ADGRB3: variants seen among roughly 807,000 people sequenced by gnomAD.
ADGRB3 encodes brain-specific angiogenesis inhibitor 3.
In ADGRB3, 37 loss-of-function variants were observed where a neutral mutation model predicts 193.4. That is an observed-to-expected ratio of 0.19 (90% CI 0.15 to 0.25). The LOEUF (loss-of-function observed/expected upper bound fraction) is 0.25. ADGRB3 is among the 10% of genes least tolerant of loss of function. ADGRB3 has a pLI of 1.00. For synonymous variants in ADGRB3, 690 were observed against 644.2 expected, an observed-to-expected ratio of 1.07 and a Z score of -1.08; for missense variants, 1,637 against 1,852.9, an observed-to-expected ratio of 0.88 and a Z score of 2.14.
At chr6:69,035,586 A>T (rs1582410565) in intron 13 of ADGRB3, among the ~76,000 whole-genome samples, 1 of 152,156 alleles carries the variant, frequency 6.6e-6, no homozygotes, top group African/African-American at 2.4e-5. Context: ...TTCTTATTTT[A>T]TACAAGTATA....
intron 26 of ADGRB3, among the ~76,000 whole-genome samples, chr6:69,347,991 T>G (rs1224213414): frequency 6.6e-6 from 1 of 152,116 alleles, no homozygotes; most frequent in East Asian, 1.9e-4. Context: ...GACCCAAAAG[T>G]CATCCCACTT....
chr6:69,102,653 C>T (rs1231524131), intron 17 of ADGRB3, among the ~76,000 whole-genome samples: 1 of 152,190 alleles, frequency 6.6e-6, no homozygotes, highest in Non-Finnish European at 1.5e-5. Flanking sequence ...CAAGGTAGAA[C>T]TGGCGGAGCC....
At chr6:69,091,838 A>T (rs1328593963) in intron 17 of ADGRB3, among the ~76,000 whole-genome samples, 3 of 152,222 alleles carry the variant, frequency 2.0e-5, no homozygotes, top group Non-Finnish European at 4.4e-5. Context: ...ATAGTCTATT[A>T]ATTTTAAATA....
chr6:68,671,248 C>T (rs1467511722), intron 3 of ADGRB3, among the ~76,000 whole-genome samples: 2 of 151,916 alleles, frequency 1.3e-5, no homozygotes, highest in African/African-American at 4.8e-5. Context: ...TCCTGTGTTT[C>T]TTTCTCTTGT....
intron 29 of ADGRB3, among the ~76,000 whole-genome samples, chr6:69,365,132 G>A (rs1231906304): frequency 6.6e-6 from 1 of 152,050 alleles, no homozygotes; most frequent in African/African-American, 2.4e-5. Context: ...TCTTGGACAT[G>A]TTTAGCACAT....
chr6:68,639,995 C>T (rs1414419637), intron 3 of ADGRB3, among the ~76,000 whole-genome samples: 1 of 152,110 alleles, frequency 6.6e-6, no homozygotes, highest in East Asian at 1.9e-4. Context: ...GGCAGGTGTA[C>T]CCCCCTTCTC....
At chr6:69,097,553 A>T (rs2150319890) in intron 17 of ADGRB3, among the ~76,000 whole-genome samples, 1 of 152,350 alleles carries the variant, frequency 6.6e-6, no homozygotes, top group African/African-American at 2.4e-5. Context: ...TAGTAAGAAT[A>T]AGTAAATTCC....
intron 3 of ADGRB3, among the ~76,000 whole-genome samples, chr6:68,661,325 G>GTGTA (rs1341587175): frequency 6.7e-5 from 6 of 89,568 alleles, no homozygotes; most frequent in South Asian, 7.7e-4. Context: ...GTGTGTGTGT[G>GTGTA]TATATATATA....
chr6:68,934,142 T>G (rs973935582), intron 4 of ADGRB3, among the ~76,000 whole-genome samples: 1 of 152,154 alleles, frequency 6.6e-6, no homozygotes, highest in Non-Finnish European at 1.5e-5. Flanking sequence ...ACTATGGGAT[T>G]TGAGTTATAA....
intron 17 of ADGRB3, among the ~76,000 whole-genome samples, chr6:69,230,758 CT>C (rs763374648): frequency 6.6e-6 from 1 of 152,242 alleles, no homozygotes; most frequent in Non-Finnish European, 1.5e-5. Context: ...ACCCACCCCC[CT>C]CCTCACCTCT....
rs553336500 is a variant in ADGRB3, at chr6:68,909,409, A to G, written c.758-21150A>G. On this transcript the variant is annotated intron_variant, in intron 3 of 31. Transcript: ENST00000370598. ...TTTCAATCTGAGCTCTCTAATATAC[A>G]GTGTAACTAGACACTATTACTTTAT... Among the ~76,000 whole-genome samples the G allele has an allele frequency of 2.7e-4, 41 of 152,302 alleles. No individual in the cohort carries two copies. The South Asian group carries it at 8.5e-3, about 32-fold the overall frequency.
intron 3 of ADGRB3, among the ~76,000 whole-genome samples, chr6:68,801,054 C>A (rs1442657449): frequency 1.3e-5 from 2 of 152,124 alleles, no homozygotes; most frequent in Non-Finnish European, 2.9e-5. Flanking sequence ...TTAATTTCTC[C>A]AGCTCCATTG....
intron 23 of ADGRB3, chr6:69,331,902 G>A (rs1232667666): frequency 1.0e-6 from 1 of 985,070 alleles, no homozygotes; most frequent in Non-Finnish European, 1.2e-6. Context: ...TTGATTAAGT[G>A]GTATCTTGTC....
intron 20 of ADGRB3, among the ~76,000 whole-genome samples, chr6:69,286,352 A>G (rs750398244): frequency 2.0e-5 from 3 of 151,616 alleles, no homozygotes; most frequent in Non-Finnish European, 4.4e-5. Flanking sequence ...CAACTTTTCC[A>G]TCCTACTTTC....
chr6:69,355,687 A>T, intron 27 of ADGRB3, 134 bp from the exon 28 acceptor site: 1 of 722,842 alleles, frequency 1.4e-6, no homozygotes, highest in South Asian at 1.7e-5. Flanking sequence ...TACATAGAGA[A>T]ATTTCCTATG....
intron 3 of ADGRB3, among the ~76,000 whole-genome samples, chr6:68,894,297 C>G (rs1034389289): frequency 2.0e-5 from 3 of 151,802 alleles, no homozygotes; most frequent in Admixed American, 2.0e-4. Flanking sequence ...ATTTTAGCTT[C>G]TAAATGATAA....
rs568140156 is a variant in ADGRB3, at chr6:69,360,542, T to C, written c.3596-327T>C. On this transcript the variant is annotated intron_variant, in intron 28 of 31. Coordinates refer to ENST00000370598, the MANE Select transcript of ADGRB3 (RefSeq NM_001704.3). Reference sequence around the variant, plus strand: ...GGAGCACATTGATGGAGAAAACTTCTCTGGTAATCTCCTATTTCCCTGAAA... The same window carrying C: ...GGAGCACATTGATGGAGAAAACTTCCCTGGTAATCTCCTATTTCCCTGAAA... 2.5e-4 allele frequency among the ~76,000 whole-genome samples: 38 copies of C among 152,064 alleles called. No individual in the cohort carries two copies. The South Asian group carries it at 3.5e-3, about 14-fold the overall frequency.
chr6:69,255,789 C>A (rs1480639461), intron 20 of ADGRB3, among the ~76,000 whole-genome samples: 1 of 152,160 alleles, frequency 6.6e-6, no homozygotes, highest in East Asian at 1.9e-4. Context: ...TGCCTATGTC[C>A]TGAATGGTAA....
intron 3 of ADGRB3, among the ~76,000 whole-genome samples, chr6:68,749,667 G>C (rs1365864123): frequency 8.6e-5 from 13 of 152,004 alleles, no homozygotes. Flanking sequence ...TAATCACTAT[G>C]ATTGCCTATT....
Sources: allele counts gnomAD v4.1 joint callset (sites outside exome capture counted in the v4.1 genomes callset), GRCh38; gene constraint gnomAD v4.1.1; transcripts MANE v1.5; gene names NCBI Gene and HGNC (gene_info 2026-07-23, HGNC 2026-07-21).